The following TM2D2 variants were observed in gnomAD, a reference collection of about 807,000 sequenced individuals.
TM2D2 encodes TM2 domain-containing protein 2.
In TM2D2, 19 loss-of-function variants were observed where a neutral mutation model predicts 23.0. That is an observed-to-expected ratio of 0.82 (90% CI 0.58 to 1.21). The LOEUF is 1.21. Among genes scored for constraint, TM2D2 ranks in the 50% most tolerant of loss-of-function variants. TM2D2 has a pLI of 0.00. For missense variants in TM2D2, 246 were observed against 265.4 expected (o/e 0.93, Z 0.51); for synonymous variants, 120 against 108.8 (o/e 1.10, Z -0.64).
At chr8:38,996,711 C>G, upstream of TM2D2, 4 of 1,421,768 alleles carry the variant, frequency 2.8e-6, no homozygotes, top group African/African-American at 1.4e-5. Context: ...CGAATGCGTT[C>G]TCCAATCGGA....
chr8:38,995,343 T>G lies in TM2D2; in HGVS notation c.290A>C (p.Gln97Pro). The G allele has an allele frequency of 6.2e-7, 1 of 1,602,826 alleles. No homozygotes were observed. The highest frequency in any genetic ancestry group is 1.1e-5 in the South Asian group (1 of 89,038). ...CTTGAGACAACCATAACCAAGTTCC[T>G]GGGATGCAGTTGCATTTCCAACATG... is the stretch of plus-strand genomic sequence containing the variant. ...VDHVGNATAS[Q>P]ELGYGCLKFG... The change falls in exon 2 of 4, where the codon CAG becomes CCG. Residue 97 changes from glutamine to proline, a missense_variant. This residue lies in a region of TM2D2 where 212 missense variants were observed against 202.2 expected (regional missense o/e 1.05). Coordinates refer to ENST00000456397, the MANE Select transcript of TM2D2 (RefSeq NM_078473.3).
rs1326028466 is a variant in TM2D2 at position 38,988,968 on chromosome 8, A to C, written c.*2364T>G. The C allele has an allele frequency of 6.6e-6, 1 of 152,218 alleles. No homozygotes were observed. Among genetic ancestry groups the C allele is most frequent in the Non-Finnish European group, 1.5e-5 (1 of 68,048 alleles). The allele number at this position is 152,218 out of a possible 1,614,324, so 9.4% of individuals were successfully genotyped here. ...ATATACAAATGGATCTGTCTACCAA[A>C]ATTTAAGAAACAACCTGAATAAAGT... is the stretch of plus-strand genomic sequence containing the variant. On this transcript the variant is annotated 3_prime_UTR_variant, in exon 4 of 4. Coordinates refer to ENST00000456397, the MANE Select transcript of TM2D2 (RefSeq NM_078473.3).
intron 3 of TM2D2, among the ~76,000 whole-genome samples, chr8:38,992,152 C>T (rs1835620068): frequency 6.6e-6 from 1 of 151,862 alleles, no homozygotes; most frequent in Non-Finnish European, 1.5e-5. Context: ...AGATGTCAAA[C>T]ATCATAATGT....
chr8:38,993,995 T>G (rs1835682845), intron 2 of TM2D2: 1 of 169,600 alleles, frequency 5.9e-6, no homozygotes, highest in Non-Finnish European at 1.3e-5. Flanking sequence ...TATAAGCATA[T>G]GTATATGCTT....
rs2129428381 is a variant in TM2D2 at position 38,990,361 on chromosome 8, A to C, written c.*971T>G. On this transcript the variant is annotated 3_prime_UTR_variant, in exon 4 of 4. Coordinates refer to ENST00000456397, the MANE Select transcript of TM2D2 (RefSeq NM_078473.3). ...TGATTTTATATTTAATAGTTCTTTC[A>C]ACTTAGATTGCAAACGATGAGAACT... 1 of 152,330 alleles carries C rather than the reference A, an allele frequency of 6.6e-6. No homozygotes were observed. Among genetic ancestry groups the C allele is most frequent in the Middle Eastern group, 3.4e-3 (1 of 294 alleles). The allele number at this position is 152,330 out of a possible 1,614,324, so 9.4% of individuals were successfully genotyped here.
At chr8:38,995,295 C>T (rs1465551421) in intron 2 of TM2D2, 23 bp downstream of exon 2, 2 of 1,538,646 alleles carry the variant, frequency 1.3e-6, no homozygotes, top group East Asian at 4.6e-5. Flanking sequence ...AGGGTTTGCT[C>T]TTACGACAAA....
intron 1 of TM2D2, 47 bp downstream of exon 1, chr8:38,996,165 TC>T: frequency 6.3e-7 from 1 of 1,585,286 alleles, no homozygotes; most frequent in Non-Finnish European, 8.6e-7. Flanking sequence ...ACCCATATAT[TC>T]CTGGCACACC....
intron 1 of TM2D2, 92 bp from the exon 2 acceptor site, chr8:38,995,497 T>A: frequency 6.3e-7 from 1 of 1,583,400 alleles, no homozygotes; most frequent in Admixed American, 1.9e-5. Flanking sequence ...AAAAGACATT[T>A]CTTCATCAAG....
chr8:38,996,965 T>C (rs558082878), upstream of TM2D2: 1 of 1,501,576 alleles, frequency 6.7e-7, no homozygotes, highest in Non-Finnish European at 9.0e-7. Context: ...CGCGCGCGCT[T>C]CCCGGCCAGA....
At chr8:38,991,833 G>C (rs1415861011) in intron 3 of TM2D2, among the ~76,000 whole-genome samples, 1 of 152,134 alleles carries the variant, frequency 6.6e-6, no homozygotes, top group Non-Finnish European at 1.5e-5. Flanking sequence ...AAGGTTTTTG[G>C]CCACTATCTT....
At chr8:38,992,439 T>C (rs867888429) in intron 3 of TM2D2, among the ~76,000 whole-genome samples, 15 of 151,746 alleles carry the variant, frequency 9.9e-5, no homozygotes, top group African/African-American at 3.4e-4. Context: ...GTTTGTCTGT[T>C]TGTGCCATTA....
rs1835528430 is a variant in TM2D2, at chr8:38,989,037, G to C, written c.*2295C>G. 1 of 152,224 alleles carries C rather than the reference G, an allele frequency of 6.6e-6. No homozygotes were observed. Among genetic ancestry groups the C allele is most frequent in the African/African-American group, 2.4e-5 (1 of 41,454 alleles). The allele number at this position is 152,224 out of a possible 1,614,324, so 9.4% of individuals were successfully genotyped here. ...TAAATAGTACTCCTTTAGTCCATCA[G>C]GTTTTCAGGTTGTATCACATTTGGC... On this transcript the variant is annotated 3_prime_UTR_variant, in exon 4 of 4. Transcript: ENST00000456397.
chr8:38,994,757 A>C (rs1399928428), intron 2 of TM2D2, among the ~76,000 whole-genome samples: 2 of 152,186 alleles, frequency 1.3e-5, no homozygotes, highest in East Asian at 1.9e-4. Context: ...ATTACTAATA[A>C]ACCTTAATAG....
Position 38,991,295 on chromosome 8 carries a change from T to C in TM2D2, c.*37A>G, listed in dbSNP as rs749168414. On this transcript the variant is annotated 3_prime_UTR_variant, in exon 4 of 4. Transcript: ENST00000456397. ...TAGAGATGAATTCAGAAGACGGAGC[T>C]TTCACCCGCCTCCCTGGGCCATGAT... 6.4e-7 allele frequency: 1 copy of C among 1,567,890 alleles called. No homozygotes were observed. The highest frequency in any genetic ancestry group is 2.3e-5 in the East Asian group (1 of 44,024).
upstream of TM2D2, chr8:38,996,513 T>G (rs911969004): frequency 5.7e-6 from 9 of 1,579,448 alleles, no homozygotes; most frequent in African/African-American, 5.4e-5. Flanking sequence ...AAGAACTGCG[T>G]GGTCAGGCCT....
Position 38,995,231 on chromosome 8 carries a change from G to A in TM2D2, c.315+87C>T, listed in dbSNP as rs150332865. Reference sequence around the variant, plus strand: ...CTGAGGAAATTCTTCAAAAAACTTTGTACCTCTTATACTTTTATGTAATAG... The same window carrying A: ...CTGAGGAAATTCTTCAAAAAACTTTATACCTCTTATACTTTTATGTAATAG... On this transcript the variant is annotated intron_variant, in intron 2 of 3. Coordinates refer to ENST00000456397, the MANE Select transcript of TM2D2 (RefSeq NM_078473.3). The A allele has an allele frequency of 1.9e-5, 19 of 991,704 alleles. No individual in the cohort carries two copies. The East Asian group carries it at 5.0e-4, about 26-fold the overall frequency. The allele number at this position is 991,704 out of a possible 1,614,324, so 61.4% of individuals were successfully genotyped here.
rs754189903 is a variant in TM2D2, at chr8:38,993,447, C to G, written c.431+98G>C. 3 of 838,964 alleles carry G rather than the reference C, an allele frequency of 3.6e-6. No homozygotes were observed. The African/African-American group carries it at 5.2e-5, about 14-fold the overall frequency. 52.0% of individuals were successfully genotyped at this position (838,964 alleles called of 1,614,324 possible). A position where few individuals can be genotyped will look rare whatever the true frequency, so the allele number is the denominator to read the frequency against. On this transcript the variant is annotated intron_variant, in intron 3 of 3. Transcript: ENST00000456397. ...CTCCAGCCTGGGTAACAGAGTGAGA[C>G]CCTGTCTCTTAAAACAAAAAATAAA...
chr8:38,992,101 C>T (rs1835618462), intron 3 of TM2D2, among the ~76,000 whole-genome samples: 2 of 151,986 alleles, frequency 1.3e-5, no homozygotes, highest in African/African-American at 4.8e-5. Flanking sequence ...AAATGACTAG[C>T]TTCAGGAAGA....
At chr8:38,996,702 GA>G, upstream of TM2D2, 5 of 1,421,884 alleles carry the variant, frequency 3.5e-6, no homozygotes, top group Non-Finnish European at 4.6e-6. Flanking sequence ...CTTTTGCGCC[GA>G]ATGCGTTCTC....
Sources: gnomAD v4.1 joint callset for allele counts (sites outside exome capture counted in the v4.1 genomes callset) on GRCh38, gnomAD v4.1.1 for gene constraint, gnomAD v4.1.1 regional missense constraint, MANE v1.5 for transcripts, NCBI Gene and HGNC (gene_info 2026-07-23, HGNC 2026-07-21) for gene names.